Variants in RUNX2 observed in about 807,000 individuals in gnomAD.
The protein encoded by RUNX2 is runt-related transcription factor 2.
RUNX2 carries 10 observed loss-of-function variants against 51.7 expected under a neutral mutation model. The observed-to-expected ratio is 0.19, with a 90% confidence interval of 0.12 to 0.33. RUNX2 has a LOEUF of 0.33. Ranked by LOEUF, RUNX2 falls within the 10% of genes least tolerant of loss-of-function variation. The pLI is 1.00. For missense variants in RUNX2, 562 were observed against 691.3 expected, an observed-to-expected ratio of 0.81 and a Z score of 2.10; for synonymous variants, 276 against 273.6, an observed-to-expected ratio of 1.01 and a Z score of -0.09.
At chr6:45,486,932 A>G (rs1427222349) in intron 5 of RUNX2, among the ~76,000 whole-genome samples, 1 of 152,190 alleles carries the variant, frequency 6.6e-6, no homozygotes, top group Non-Finnish European at 1.5e-5. Flanking sequence ...AGCAGAAGTT[A>G]TAATGGTAGT....
At chr6:45,412,767 C>T (rs988937338) in intron 2 of RUNX2, among the ~76,000 whole-genome samples, 1 of 151,286 alleles carries the variant, frequency 6.6e-6, no homozygotes, top group Admixed American at 6.6e-5. Flanking sequence ...ATTTCTGAGA[C>T]GGAGTCTCGC....
rs1374005824 is a variant in RUNX2 at position 45,490,783 on chromosome 6, T to A, written c.686-1158T>A. Among the ~76,000 whole-genome samples, 6 of 152,302 alleles carry A rather than the reference T, an allele frequency of 3.9e-5. No individual in the cohort carries two copies. The East Asian group carries it at 9.7e-4, about 25-fold the overall frequency. On this transcript the variant is annotated intron_variant, in intron 5 of 8. Transcript: ENST00000647337. ...AAGGGGCAAACTCTTAATCCCATCA[T>A]CATCTTGGTGGTTCTTCCTCGAATC...
In RUNX2 at chr6:45,378,403, C is replaced by T. The variant is rs116658159; in HGVS notation, c.59-44190C>T. Among the ~76,000 whole-genome samples, 397 of 152,244 alleles carry T rather than the reference C, an allele frequency of 2.6e-3. 3 individuals are homozygous for T. Among genetic ancestry groups the T allele is most frequent in the African/African-American group, 8.8e-3 (364 of 41,552 alleles). ...TGAACGGGATCTTAATGGGATTGCG[C>T]GTTTACAATGGTGAAGGGAAACGGA... is the stretch of plus-strand genomic sequence containing the variant. On this transcript the variant is annotated intron_variant, in intron 2 of 8. Coordinates refer to ENST00000647337, the MANE Select transcript of RUNX2 (RefSeq NM_001024630.4).
At chr6:45,500,243 CTG>C (rs933945807) in intron 6 of RUNX2, among the ~76,000 whole-genome samples, 1 of 152,088 alleles carries the variant, frequency 6.6e-6, no homozygotes, top group Non-Finnish European at 1.5e-5. Context: ...TGTACATTGA[CTG>C]TGCAGTATTA....
intron 7 of RUNX2, among the ~76,000 whole-genome samples, chr6:45,519,649 G>A (rs1582199619): frequency 6.6e-6 from 1 of 151,890 alleles, no homozygotes; most frequent in Non-Finnish European, 1.5e-5. Context: ...CATACAATAA[G>A]TAAGTAGCTT....
At chr6:45,394,488 T>A (rs1444060923) in intron 2 of RUNX2, among the ~76,000 whole-genome samples, 1 of 152,192 alleles carries the variant, frequency 6.6e-6, no homozygotes, top group South Asian at 2.1e-4. Flanking sequence ...AGCTTACAGA[T>A]CTTTTAGCTG....
intron 7 of RUNX2, among the ~76,000 whole-genome samples, chr6:45,536,992 T>G (rs1401503492): frequency 6.6e-6 from 1 of 152,204 alleles, no homozygotes; most frequent in Non-Finnish European, 1.5e-5. Flanking sequence ...CTTTTCGGTT[T>G]CCTTCTTCTC....
intron 6 of RUNX2, among the ~76,000 whole-genome samples, chr6:45,500,345 T>C (rs1800770070): frequency 6.6e-6 from 1 of 152,226 alleles, no homozygotes; most frequent in African/African-American, 2.4e-5. Context: ...TATAACTGTA[T>C]GGCACTACTC....
intron 2 of RUNX2, among the ~76,000 whole-genome samples, chr6:45,363,492 T>C (rs1270041294): frequency 6.6e-6 from 1 of 152,124 alleles, no homozygotes; most frequent in Non-Finnish European, 1.5e-5. Context: ...ACACTGTAAG[T>C]TTGAAAATTC....
intron 2 of RUNX2, among the ~76,000 whole-genome samples, chr6:45,359,983 A>G (rs976324895): frequency 2.6e-5 from 4 of 152,228 alleles, no homozygotes; most frequent in African/African-American, 9.6e-5. Flanking sequence ...ATAACCGAGC[A>G]ATCAACTGAA....
intron 2 of RUNX2, among the ~76,000 whole-genome samples, chr6:45,374,715 A>T (rs1417984344): frequency 2.0e-5 from 3 of 152,216 alleles, no homozygotes; most frequent in Non-Finnish European, 2.9e-5. Context: ...TTTGACTGAC[A>T]TAGACTACCA....
intron 6 of RUNX2, among the ~76,000 whole-genome samples, chr6:45,505,633 C>T (rs1425653164): frequency 6.6e-6 from 1 of 152,126 alleles, no homozygotes; most frequent in African/African-American, 2.4e-5. Flanking sequence ...AGGGTTGTCT[C>T]CATTTTTGCC....
intron 5 of RUNX2, among the ~76,000 whole-genome samples, chr6:45,491,615 C>T (rs1800467068): frequency 6.9e-6 from 1 of 145,344 alleles, no homozygotes; most frequent in Non-Finnish European, 1.5e-5. Flanking sequence ...ACACATCTCT[C>T]CTGTTTGTTT....
intron 5 of RUNX2, among the ~76,000 whole-genome samples, chr6:45,478,930 C>A (rs1411014476): frequency 6.6e-6 from 1 of 151,958 alleles, no homozygotes; most frequent in East Asian, 1.9e-4. Flanking sequence ...CTCTGTCGCC[C>A]AGGCTGGAGT....
At chr6:45,544,750 G>T (rs1394354449) in intron 7 of RUNX2, among the ~76,000 whole-genome samples, 1 of 152,210 alleles carries the variant, frequency 6.6e-6, no homozygotes, top group Non-Finnish European at 1.5e-5. Flanking sequence ...CAATGCAGAG[G>T]CTGCCTGAGG....
intron 5 of RUNX2, among the ~76,000 whole-genome samples, chr6:45,466,713 T>G (rs1316966354): frequency 1.3e-5 from 2 of 152,250 alleles, no homozygotes; most frequent in Non-Finnish European, 2.9e-5. Flanking sequence ...CCTGGAGAGA[T>G]AAATCCTATT....
intron 4 of RUNX2, among the ~76,000 whole-genome samples, chr6:45,432,331 C>A (rs1209076991): frequency 6.6e-6 from 1 of 152,116 alleles, no homozygotes; most frequent in Non-Finnish European, 1.5e-5. Flanking sequence ...AGTCAAATAA[C>A]TGAGTAAATT....
intron 2 of RUNX2, among the ~76,000 whole-genome samples, chr6:45,350,034 T>G (rs932412660): frequency 2.6e-5 from 4 of 152,192 alleles, no homozygotes; most frequent in Non-Finnish European, 5.9e-5. Context: ...TGCCACTATA[T>G]GTAAAGATAC....
intron 7 of RUNX2, among the ~76,000 whole-genome samples, chr6:45,541,196 G>A (rs528845588): frequency 6.6e-6 from 1 of 151,660 alleles, no homozygotes; most frequent in African/African-American, 2.4e-5. Flanking sequence ...CTCTTACAAT[G>A]TACTAGGTTC....
Sources: gnomAD v4.1 joint callset for allele counts (sites outside exome capture counted in the v4.1 genomes callset) on GRCh38, gnomAD v4.1.1 for gene constraint, MANE v1.5 for transcripts, NCBI Gene and HGNC (gene_info 2026-07-23, HGNC 2026-07-21) for gene names.